The following TRDMT1 variants were observed in gnomAD, a reference collection of about 807,000 sequenced individuals.
TRDMT1 encodes the protein tRNA (cytosine(38)-C(5))-methyltransferase.
A neutral mutation model predicts 51.2 loss-of-function variants in TRDMT1; 49 were observed. That is an observed-to-expected ratio of 0.96 (90% confidence interval 0.76 to 1.21). The LOEUF is 1.21. Among genes scored for constraint, TRDMT1 ranks in the 50% most tolerant of loss-of-function variants. The probability of loss-of-function intolerance (pLI) is 0.00; values close to 1 mark genes in which losing one functional copy is unlikely to be tolerated. For synonymous variants in TRDMT1, 187 were observed against 164.6 expected, an observed-to-expected ratio of 1.14 and a Z score of -1.04; for missense variants, 534 against 462.3, an observed-to-expected ratio of 1.16 and a Z score of -1.42.
At chr10:17,183,121 T>A (rs11254437) in intron 1 of TRDMT1, among the ~76,000 whole-genome samples, 20,851 of 152,222 alleles carry the variant, frequency 0.14, 1,523 homozygotes, top group Admixed American at 0.17. Flanking sequence ...TAAGAGTGTA[T>A]CATTACATAC....
At chr10:17,197,726 A>T (rs759127781) in intron 1 of TRDMT1, among the ~76,000 whole-genome samples, 25 of 152,200 alleles carry the variant, frequency 1.6e-4, no homozygotes, top group Non-Finnish European at 3.2e-4. Context: ...CAAATGACTA[A>T]CAGGCACATG....
At position 17,149,111 on chromosome 10, in the gene TRDMT1, G is replaced by A. The variant is rs756065164; in HGVS notation, c.1105C>T (p.Arg369Cys). Residue 369 changes from arginine (R) to cysteine (C), a missense_variant, in exon 11 of 11, where the codon CGT (arginine) becomes TGT (cysteine). Physicochemically the swap from Arg to Cys is radical, Grantham distance 180. Transcript: ENST00000377799. ...GFPEKITVKQ[R>C]YRLLGNSLNV... Reference sequence around the variant, plus strand: ...AGACTATTTCCAAGTAGGCGATAACGCTGTTTCACTGTTATCTTCTCAGGA... The same window carrying A: ...AGACTATTTCCAAGTAGGCGATAACACTGTTTCACTGTTATCTTCTCAGGA... The A allele has an allele frequency of 3.3e-5, 53 of 1,610,714 alleles. No individual in the cohort carries two copies. The highest frequency in any genetic ancestry group is 1.8e-4 in the Middle Eastern group (1 of 5,462).
chr10:17,151,908 C>A, intron 10 of TRDMT1: 3 of 1,102,588 alleles, frequency 2.7e-6, no homozygotes, highest in Non-Finnish European at 3.4e-6. Flanking sequence ...AAGAAGGGAA[C>A]GGTTAAGGTG....
At chr10:17,161,245 T>A (rs1341225623) in intron 5 of TRDMT1, among the ~76,000 whole-genome samples, 2 of 152,178 alleles carry the variant, frequency 1.3e-5, no homozygotes, top group South Asian at 2.1e-4. Flanking sequence ...ACCAACCACT[T>A]ACTCTAGAAA....
intron 1 of TRDMT1, 47 bp from the exon 2 acceptor site, chr10:17,174,707 AT>A: frequency 1.5e-6 from 2 of 1,374,826 alleles, no homozygotes; most frequent in Non-Finnish European, 2.1e-6. Flanking sequence ...CCTTAAGTTC[AT>A]TATAGAAAGA....
At chr10:17,182,350 G>A (rs1464243953) in intron 1 of TRDMT1, among the ~76,000 whole-genome samples, 1 of 152,182 alleles carries the variant, frequency 6.6e-6, no homozygotes, top group African/African-American at 2.4e-5. Context: ...TCAATTAAAT[G>A]AGTCCAGAGT....
At chr10:17,164,298 A>G (rs935020989) in intron 3 of TRDMT1, among the ~76,000 whole-genome samples, 1 of 152,156 alleles carries the variant, frequency 6.6e-6, no homozygotes, top group Non-Finnish European at 1.5e-5. Flanking sequence ...TGCAGAAAAG[A>G]CCTTTGACAA....
intron 1 of TRDMT1, among the ~76,000 whole-genome samples, chr10:17,194,932 C>CA (rs71377022): frequency 0.74 from 74,087 of 99,512 alleles, 28,279 homozygotes; most frequent in Middle Eastern, 0.87. Flanking sequence ...GAATCCGACT[C>CA]AAAAAAAAAA....
chr10:17,176,888 T>C (rs963103267), intron 1 of TRDMT1, among the ~76,000 whole-genome samples: 2 of 152,190 alleles, frequency 1.3e-5, no homozygotes, highest in African/African-American at 4.8e-5. Flanking sequence ...AAATGTATAA[T>C]TAAAAATGTC....
intron 1 of TRDMT1, chr10:17,201,235 T>C: frequency 1.4e-5 from 3 of 220,610 alleles, no homozygotes; most frequent in South Asian, 9.5e-5. Context: ...GCTGCACACT[T>C]AGAATGGGGG....
intron 1 of TRDMT1, among the ~76,000 whole-genome samples, chr10:17,185,154 G>T (rs1843720106): frequency 6.6e-6 from 1 of 152,160 alleles, no homozygotes; most frequent in Non-Finnish European, 1.5e-5. Context: ...TATTTGATTA[G>T]TGTCTGGCAT....
Position 17,162,247 on chromosome 10 carries a change from TAA to T in TRDMT1, c.252-12_252-11del, listed in dbSNP as rs61159799. On this transcript the variant is annotated splice_polypyrimidine_tract_variant and intron_variant, in intron 3 of 10. Coordinates refer to ENST00000377799, the MANE Select transcript of TRDMT1 (RefSeq NM_004412.7). ...ACCCTGCCGGCCAATCCTAAAGGGG[TAA>T]AAAAAAAAAAAAACAAAAAAAAACA... is the stretch of plus-strand genomic sequence containing the variant. 0.027 allele frequency: 35,267 copies of T among 1,308,264 alleles called. 47 individuals are homozygous for T. The highest frequency in any genetic ancestry group is 0.041 in the South Asian group (2,797 of 67,468). The allele number at this position is 1,308,264 out of a possible 1,614,324, so 81.0% of individuals were successfully genotyped here. A position where few individuals can be genotyped will look rare whatever the true frequency, so the allele number is the denominator to read the frequency against.
intron 1 of TRDMT1, among the ~76,000 whole-genome samples, chr10:17,185,998 C>T (rs1843845655): frequency 1.3e-5 from 2 of 151,600 alleles, no homozygotes; most frequent in Admixed American, 1.3e-4. Context: ...CACATGTATA[C>T]CTATGTAACA....
chr10:17,138,619 T>C lies in TRDMT1; in HGVS notation c.*10421A>G, dbSNP rs566547068. On this transcript the variant is annotated 3_prime_UTR_variant, in exon 11 of 11. Transcript: ENST00000377799. ...GACATTTGTTCTCCATGCTCATTATTACAATGACTACAATTATCTTTGAGT... is the reference window on the plus strand; with the variant it reads ...GACATTTGTTCTCCATGCTCATTATCACAATGACTACAATTATCTTTGAGT... Among the ~76,000 whole-genome samples the C allele has an allele frequency of 9.2e-5, 14 of 151,950 alleles. No homozygotes were observed. Among genetic ancestry groups the C allele is most frequent in the Admixed American group, 6.6e-4 (10 of 15,262 alleles).
chr10:17,161,657 T>A lies in TRDMT1; in HGVS notation c.324-109A>T, dbSNP rs79067782. ...CGAGGTAAGTAATTTTCTGAACTCTTTTTAAAATGGAATTTTATAAGGCTG... is the reference window on the plus strand; with the variant it reads ...CGAGGTAAGTAATTTTCTGAACTCTATTTAAAATGGAATTTTATAAGGCTG... On this transcript the variant is annotated intron_variant, in intron 4 of 10. Transcript: ENST00000377799. 3,486 of 637,870 alleles carry A rather than the reference T, an allele frequency of 5.5e-3. 100 individuals carry two copies. In the African/African-American group the frequency reaches 0.055, roughly 10 times the overall value. 39.5% of individuals were successfully genotyped at this position (637,870 alleles called of 1,614,324 possible).
chr10:17,150,980 G>A (rs912017101), intron 10 of TRDMT1: 18 of 984,752 alleles, frequency 1.8e-5, no homozygotes, highest in Middle Eastern at 5.2e-4. Context: ...AGTAAGATTC[G>A]TACAAATTAT....
chr10:17,198,517 A>C (rs374287017), intron 1 of TRDMT1, among the ~76,000 whole-genome samples: 11 of 152,374 alleles, frequency 7.2e-5, no homozygotes, highest in African/African-American at 2.6e-4. Context: ...ATGAACTTTG[A>C]AGACATTATT....
intron 3 of TRDMT1, among the ~76,000 whole-genome samples, chr10:17,162,860 A>C (rs971745112): frequency 6.6e-6 from 1 of 152,222 alleles, no homozygotes; most frequent in African/African-American, 2.4e-5. Context: ...AATGACTTAC[A>C]TTAATCAAAA....
chr10:17,146,095 G>C lies in TRDMT1; in HGVS notation c.*2945C>G, dbSNP rs961649355. 3.0e-6 allele frequency: 3 copies of C among 985,236 alleles called. No individual in the cohort carries two copies. The highest frequency in any genetic ancestry group is 3.5e-5 in the African/African-American group (2 of 57,216). The allele number at this position is 985,236 out of a possible 1,614,324, so 61.0% of individuals were successfully genotyped here. A position where few individuals can be genotyped will look rare whatever the true frequency, so the allele number is the denominator to read the frequency against. On this transcript the variant is annotated 3_prime_UTR_variant, in exon 11 of 11. Coordinates refer to ENST00000377799, the MANE Select transcript of TRDMT1 (RefSeq NM_004412.7). ...CACATGGTAGCAATACAGCCTTTCA[G>C]GGCAACTTAAAAGCCTCTCTACTAA...
Sources: gnomAD v4.1 joint callset for allele counts (sites outside exome capture counted in the v4.1 genomes callset) on GRCh38, gnomAD v4.1.1 for gene constraint, MANE v1.5 for transcripts, NCBI Gene and HGNC (gene_info 2026-07-23, HGNC 2026-07-21) for gene names.